Variants in SGCZ observed in about 807,000 individuals in gnomAD.
SGCZ encodes the protein zeta-sarcoglycan.
A neutral mutation model predicts 41.3 loss-of-function variants in SGCZ; 40 were observed. The observed-to-expected ratio is 0.97, with a 90% CI of 0.75 to 1.26. The LOEUF is 1.26. SGCZ is among the 50% of genes most tolerant of loss of function. The pLI is 0.00. For missense variants in SGCZ, 552 were observed against 369.8 expected (o/e 1.49, Z -4.04); for synonymous variants, 206 against 137.5 (o/e 1.50, Z -3.49).
At chr8:14,256,369 C>G (rs1004291876) in intron 3 of SGCZ, among the ~76,000 whole-genome samples, 1 of 152,042 alleles carries the variant, frequency 6.6e-6, no homozygotes, top group Non-Finnish European at 1.5e-5. Context: ...TAACACCAGT[C>G]AGGGGGTGAA....
chr8:14,285,972 G>C (rs910549766), intron 3 of SGCZ, among the ~76,000 whole-genome samples: 1 of 152,032 alleles, frequency 6.6e-6, no homozygotes, highest in Non-Finnish European at 1.5e-5. Flanking sequence ...GTATAATAAT[G>C]TATGTGTATC....
intron 1 of SGCZ, among the ~76,000 whole-genome samples, chr8:15,148,337 T>A (rs1013303628): frequency 6.6e-6 from 1 of 152,176 alleles, no homozygotes; most frequent in African/African-American, 2.4e-5. Flanking sequence ...AGCTCACTGA[T>A]GGTTAATGAA....
At chr8:14,251,784 T>C (rs930317113) in intron 3 of SGCZ, among the ~76,000 whole-genome samples, 1 of 152,154 alleles carries the variant, frequency 6.6e-6, no homozygotes, top group Non-Finnish European at 1.5e-5. Context: ...CTTTGTAAAA[T>C]GTGGCCTGGG....
chr8:14,101,074 A>C (rs1392818734), intron 7 of SGCZ, among the ~76,000 whole-genome samples: 1 of 152,172 alleles, frequency 6.6e-6, no homozygotes, highest in Admixed American at 6.5e-5. Context: ...TAACTAAGGT[A>C]GAATTAAAAA....
At chr8:14,891,051 C>T (rs755528123) in intron 1 of SGCZ, among the ~76,000 whole-genome samples, 9 of 152,152 alleles carry the variant, frequency 5.9e-5, no homozygotes, top group Non-Finnish European at 1.2e-4. Context: ...TGACAATGCA[C>T]CTAATCAACC....
intron 1 of SGCZ, among the ~76,000 whole-genome samples, chr8:14,631,629 C>T (rs980670178): frequency 6.6e-6 from 1 of 152,116 alleles, no homozygotes; most frequent in Non-Finnish European, 1.5e-5. Context: ...CTCCCACCCA[C>T]CTCCTTGCTG....
At chr8:14,585,316 G>A (rs767697728) in intron 1 of SGCZ, among the ~76,000 whole-genome samples, 1 of 152,068 alleles carries the variant, frequency 6.6e-6, no homozygotes, top group African/African-American at 2.4e-5. Flanking sequence ...ATCAGCTGTA[G>A]CTCTGTGACA....
chr8:14,858,381 T>C (rs1803613224), intron 1 of SGCZ, among the ~76,000 whole-genome samples: 1 of 152,114 alleles, frequency 6.6e-6, no homozygotes, highest in Non-Finnish European at 1.5e-5. Context: ...TTTTCAAATC[T>C]CTTTCAAATC....
intron 1 of SGCZ, among the ~76,000 whole-genome samples, chr8:14,720,210 A>G (rs1809837035): frequency 6.6e-6 from 1 of 152,028 alleles, no homozygotes; most frequent in Non-Finnish European, 1.5e-5. Context: ...TATACTACTT[A>G]CATGCTTAAA....
At chr8:14,392,473 A>C (rs1804811452) in intron 2 of SGCZ, among the ~76,000 whole-genome samples, 1 of 152,182 alleles carries the variant, frequency 6.6e-6, no homozygotes, top group African/African-American at 2.4e-5. Context: ...CAAGAGTAGA[A>C]ATACGGTATT....
chr8:14,888,006 T>C (rs145370925), intron 1 of SGCZ, among the ~76,000 whole-genome samples: 39 of 152,270 alleles, frequency 2.6e-4, no homozygotes, highest in African/African-American at 6.0e-4. Flanking sequence ...TTTGAGGTGA[T>C]AGATGTGTTG....
At chr8:14,555,751 A>C in intron 1 of SGCZ, among the ~76,000 whole-genome samples, 1 of 152,100 alleles carries the variant, frequency 6.6e-6, no homozygotes, top group East Asian at 1.9e-4. Flanking sequence ...GCAGGATACA[A>C]ATGGTTCAGT....
chr8:15,030,796 A>T (rs1803633418), intron 1 of SGCZ, among the ~76,000 whole-genome samples: 1 of 152,130 alleles, frequency 6.6e-6, no homozygotes, highest in East Asian at 1.9e-4. Flanking sequence ...AGGGATACTA[A>T]CAAAGAAATG....
intron 1 of SGCZ, among the ~76,000 whole-genome samples, chr8:14,870,759 G>C (rs1339104003): frequency 2.0e-5 from 3 of 151,552 alleles, no homozygotes; most frequent in African/African-American, 7.3e-5. Context: ...TCAAAAAGTG[G>C]GTGAAGAATA....
At chr8:14,243,957 T>C (rs1299327894) in intron 3 of SGCZ, among the ~76,000 whole-genome samples, 4 of 152,186 alleles carry the variant, frequency 2.6e-5, no homozygotes, top group Non-Finnish European at 5.9e-5. Context: ...CAATTAGTTT[T>C]TCTCATACAG....
chr8:14,672,819 T>A (rs1016097922), intron 1 of SGCZ, among the ~76,000 whole-genome samples: 4 of 152,234 alleles, frequency 2.6e-5, no homozygotes, highest in Non-Finnish European at 5.9e-5. Flanking sequence ...ACTCATAGAG[T>A]ATGAATAAAT....
intron 1 of SGCZ, among the ~76,000 whole-genome samples, chr8:14,676,331 AC>A (rs1360931054): frequency 9.2e-6 from 1 of 109,238 alleles, no homozygotes; most frequent in African/African-American, 3.0e-5. Flanking sequence ...TCCCACCTCT[AC>A]AAAAATGAAA....
chr8:14,526,322 T>G (rs1206484158), intron 2 of SGCZ, among the ~76,000 whole-genome samples: 1 of 152,106 alleles, frequency 6.6e-6, no homozygotes, highest in Non-Finnish European at 1.5e-5. Flanking sequence ...TGGCAAAATT[T>G]CACTATCGAT....
intron 2 of SGCZ, among the ~76,000 whole-genome samples, chr8:14,388,059 T>A (rs1804637463): frequency 1.3e-5 from 2 of 151,896 alleles, no homozygotes; most frequent in African/African-American, 2.4e-5. Flanking sequence ...TTAGTAGGAG[T>A]AAGATATTCA....
Sources: allele counts gnomAD v4.1 joint callset (sites outside exome capture counted in the v4.1 genomes callset), GRCh38; gene constraint gnomAD v4.1.1; transcripts MANE v1.5; gene names NCBI Gene and HGNC (gene_info 2026-07-23, HGNC 2026-07-21).